ZNF44: variants seen among roughly 807,000 people sequenced by gnomAD.
ZNF44 encodes gonadotropin inducible transcription repressor-2.
A neutral mutation model predicts 11.7 loss-of-function variants in ZNF44; 9 were observed. The observed-to-expected ratio is 0.77, with a 90% CI of 0.46 to 1.35. The LOEUF is 1.35. Among genes scored for constraint, ZNF44 ranks in the 40% most tolerant of loss-of-function variants. The pLI, the probability that ZNF44 is intolerant of heterozygous loss-of-function variation, is 0.00. For synonymous variants in ZNF44, 224 were observed against 242.7 expected (o/e 0.92, Z 0.72); for missense variants, 696 against 743.1 (o/e 0.94, Z 0.74).
At chr19:12,261,460 C>T (rs137979398) in intron 5 of ZNF44, among the ~76,000 whole-genome samples, 75 of 152,204 alleles carry the variant, frequency 4.9e-4, no homozygotes, top group African/African-American at 1.7e-3. Context: ...ATAGCCAGAC[C>T]CCATCTCTAT....
chr19:12,280,611 C>G (rs10417490), intron 1 of ZNF44, among the ~76,000 whole-genome samples: 23,212 of 152,048 alleles, frequency 0.15, 1,861 homozygotes, highest in African/African-American at 0.2. Context: ...ATTATGCCAA[C>G]TGCCACTTAA....
chr19:12,245,676 G>A (rs917664443), downstream of ZNF44, among the ~76,000 whole-genome samples: 4 of 152,206 alleles, frequency 2.6e-5, no homozygotes, highest in Admixed American at 1.3e-4. Context: ...ATATAATCTA[G>A]AGATGAGGGG....
At chr19:12,294,169 C>A (rs527569891) in intron 1 of ZNF44, among the ~76,000 whole-genome samples, 13 of 152,300 alleles carry the variant, frequency 8.5e-5, no homozygotes, top group African/African-American at 2.9e-4. Context: ...CACAAGGAAG[C>A]CCACTCAGCA....
intron 1 of ZNF44, among the ~76,000 whole-genome samples, chr19:12,284,099 A>T (rs552445427): frequency 1.3e-5 from 2 of 152,268 alleles, no homozygotes; most frequent in Non-Finnish European, 2.9e-5. Context: ...ATTCGTGTAT[A>T]AAGTATGCCT....
At chr19:12,247,103 C>G (rs1046528991), downstream of ZNF44, among the ~76,000 whole-genome samples, 1 of 151,830 alleles carries the variant, frequency 6.6e-6, no homozygotes, top group Non-Finnish European at 1.5e-5. Context: ...CTGATAAATA[C>G]ATTTATAATA....
At position 12,273,588 on chromosome 19, in the gene ZNF44, T is replaced by C. The variant is rs1967073523; in HGVS notation, c.667A>G (p.Lys223Glu). ...RMHERTHTGE[K>E]PYECKQCSKA... The stretch of plus-strand genomic sequence containing the variant: ...GAACACTGCTTACATTCATATGGTT[T>C]CTCTCCAGTGTGAGTTCTTTCATGC... Residue 223 changes from lysine (K) to glutamate (E), a missense_variant, in exon 4 of 4, where the codon AAA (lysine) becomes GAA (glutamate). Transcript: ENST00000355684. 2 of 1,614,026 alleles carry C rather than the reference T, an allele frequency of 1.2e-6. No homozygotes were observed. The highest frequency in any genetic ancestry group is 2.2e-5 in the South Asian group (2 of 91,086).
intron 1 of ZNF44, among the ~76,000 whole-genome samples, chr19:12,281,872 G>A (rs1967488675): frequency 6.6e-6 from 1 of 152,096 alleles, no homozygotes; most frequent in South Asian, 2.1e-4. Context: ...ATCTACTGAA[G>A]ATATTAATAA....
intron 2 of ZNF44, among the ~76,000 whole-genome samples, chr19:12,233,029 A>C (rs1916226350): frequency 6.6e-6 from 1 of 152,152 alleles, no homozygotes; most frequent in South Asian, 2.1e-4. Flanking sequence ...AAAAACTCTA[A>C]ATCCAAAGGG....
At chr19:12,274,677 C>T (rs1967137830) in intron 3 of ZNF44, among the ~76,000 whole-genome samples, 3 of 151,850 alleles carry the variant, frequency 2.0e-5, no homozygotes. Context: ...TCAAGTGATC[C>T]TCCTGTCTCA....
chr19:12,266,381 A>G, intron 5 of ZNF44: 2 of 975,034 alleles, frequency 2.1e-6, no homozygotes, highest in Non-Finnish European at 2.4e-6. Flanking sequence ...GCACTTTCAG[A>G]GAAGCCGAGA....
At chr19:12,240,444 C>CAAAAAAAAAAA (rs56300338), upstream of ZNF44, among the ~76,000 whole-genome samples, 1 of 102,370 alleles carries the variant, frequency 9.8e-6, no homozygotes, top group Non-Finnish European at 2.0e-5. Context: ...GATTCTATCT[C>CAAAAAAAAAAA]AAAAAAAAAA....
intron 3 of ZNF44, among the ~76,000 whole-genome samples, chr19:12,227,768 C>T (rs1915981911): frequency 6.6e-6 from 1 of 152,186 alleles, no homozygotes; most frequent in Admixed American, 6.5e-5. Context: ...CTTTGAAACA[C>T]ATACCAATAA....
intron 5 of ZNF44, among the ~76,000 whole-genome samples, chr19:12,265,020 A>G (rs1917670411): frequency 6.6e-6 from 1 of 152,126 alleles, no homozygotes; most frequent in Admixed American, 6.6e-5. Flanking sequence ...CTAAACAATC[A>G]TATTTTAACA....
At chr19:12,232,488 C>T (rs552410966) in intron 2 of ZNF44, among the ~76,000 whole-genome samples, 5 of 152,270 alleles carry the variant, frequency 3.3e-5, no homozygotes, top group East Asian at 1.9e-4. Flanking sequence ...GAGGTCCCTG[C>T]GGCCTTCCGC....
intron 7 of ZNF44, among the ~76,000 whole-genome samples, chr19:12,249,156 G>T (rs1916883738): frequency 6.6e-6 from 1 of 151,702 alleles, no homozygotes; most frequent in Admixed American, 6.6e-5. Context: ...CAAAGTGCTG[G>T]GATTATAGGC....
intron 5 of ZNF44, among the ~76,000 whole-genome samples, chr19:12,257,056 G>A (rs1195070913): frequency 2.0e-5 from 3 of 152,136 alleles, no homozygotes; most frequent in Non-Finnish European, 4.4e-5. Context: ...AAGAAAGGTA[G>A]ATAAAATTTA....
At chr19:12,228,474 G>GTACAGGTAAGAGT (rs1177827682) in intron 3 of ZNF44, among the ~76,000 whole-genome samples, 2 of 152,154 alleles carry the variant, frequency 1.3e-5, no homozygotes, top group Non-Finnish European at 2.9e-5. Context: ...CAGGCAAGTT[G>GTACAGGTAAGAGT]TACAGGTAAG....
At chr19:12,227,255 A>G (rs1385913825) in intron 3 of ZNF44, among the ~76,000 whole-genome samples, 1 of 152,212 alleles carries the variant, frequency 6.6e-6, no homozygotes, top group East Asian at 1.9e-4. Context: ...TTATAAAACC[A>G]CCTTTTTAAA....
chr19:12,233,040 C>T (rs1916226588), intron 2 of ZNF44, among the ~76,000 whole-genome samples: 1 of 152,188 alleles, frequency 6.6e-6, no homozygotes, highest in South Asian at 2.1e-4. Flanking sequence ...ATCCAAAGGG[C>T]ATCAGCCTAA....
Sources: gnomAD v4.1 joint callset for allele counts (sites outside exome capture counted in the v4.1 genomes callset) on GRCh38, gnomAD v4.1.1 for gene constraint, MANE v1.5 for transcripts, NCBI Gene and HGNC (gene_info 2026-07-23, HGNC 2026-07-21) for gene names.